USP25: variants seen among roughly 807,000 people sequenced by gnomAD.
USP25 encodes ubiquitin specific peptidase 25, also known as ubiquitin carboxyl-terminal hydrolase 25.
USP25 carries 85 observed loss-of-function variants against 158.5 expected under a neutral mutation model. That is an observed-to-expected ratio of 0.54 (90% CI 0.45 to 0.64). The LOEUF is 0.64. Among genes scored for constraint, USP25 ranks in the 30% least tolerant of loss-of-function variants. USP25 has a pLI of 0.00. For synonymous variants in USP25, 464 were observed against 460.4 expected (o/e 1.01, Z -0.10); for missense variants, 1,242 against 1,327.3 (o/e 0.94, Z 1.00).
intron 18 of USP25, among the ~76,000 whole-genome samples, chr21:15,847,450 A>C (rs1331302688): frequency 2.0e-5 from 3 of 152,186 alleles, no homozygotes; most frequent in Non-Finnish European, 4.4e-5. Flanking sequence ...AAGTGGTTTC[A>C]TTTGATACCA....
intron 18 of USP25, among the ~76,000 whole-genome samples, chr21:15,845,406 A>G (rs1197086434): frequency 1.3e-5 from 2 of 152,154 alleles, no homozygotes; most frequent in Non-Finnish European, 2.9e-5. Flanking sequence ...GAGCCCTTAA[A>G]TTCTTTACAT....
At chr21:15,824,922 T>G (rs371718711) in intron 11 of USP25, 44 bp from the exon 12 acceptor site, 82 of 1,512,242 alleles carry the variant, frequency 5.4e-5, no homozygotes, top group Admixed American at 1.0e-4. Flanking sequence ...TTGCATCTAC[T>G]TTCATGATAT....
chr21:15,798,371 C>G (rs188120631), intron 5 of USP25, among the ~76,000 whole-genome samples: 3 of 151,372 alleles, frequency 2.0e-5, no homozygotes, highest in East Asian at 1.9e-4. Context: ...TTTGAAAGCC[C>G]TTGTTTTCTC....
intron 24 of USP25, chr21:15,877,135 A>G (rs1054418182): frequency 6.6e-6 from 1 of 152,188 alleles, no homozygotes; most frequent in African/African-American, 2.4e-5. Flanking sequence ...GCAGAGTTGA[A>G]TAGTTGCAAC....
intron 1 of USP25, among the ~76,000 whole-genome samples, chr21:15,749,408 T>C (rs1048254546): frequency 1.3e-5 from 2 of 152,252 alleles, no homozygotes; most frequent in African/African-American, 2.4e-5. Flanking sequence ...TTGCAAGCTT[T>C]ACCTTTGAGA....
intron 4 of USP25, among the ~76,000 whole-genome samples, chr21:15,779,924 T>G (rs553788138): frequency 6.6e-6 from 1 of 152,058 alleles, no homozygotes; most frequent in African/African-American, 2.4e-5. Context: ...ATGCAAAATA[T>G]GCATTTAATA....
At chr21:15,872,096 C>G (rs191325504) in intron 23 of USP25, among the ~76,000 whole-genome samples, 2 of 138,798 alleles carry the variant, frequency 1.4e-5, no homozygotes, top group Admixed American at 7.6e-5. Context: ...AAAATATTGC[C>G]AAAAGATTCT....
chr21:15,857,239 T>C (rs1949076383), intron 20 of USP25, among the ~76,000 whole-genome samples: 1 of 152,204 alleles, frequency 6.6e-6, no homozygotes, highest in African/African-American at 2.4e-5. Flanking sequence ...AACACCTAAG[T>C]TGTTACCTAT....
intron 3 of USP25, among the ~76,000 whole-genome samples, chr21:15,768,203 A>C (rs2034152391): frequency 6.6e-6 from 1 of 152,074 alleles, no homozygotes; most frequent in Admixed American, 6.6e-5. Context: ...TTTATCCATA[A>C]AACACATAAT....
chr21:15,831,852 C>T (rs1038912224), intron 16 of USP25, among the ~76,000 whole-genome samples: 15 of 152,158 alleles, frequency 9.9e-5, no homozygotes, highest in Middle Eastern at 6.8e-3. Flanking sequence ...TGACCTTTTT[C>T]GTCCTTGCTA....
Position 15,831,418 on chromosome 21 carries a change from T to C in USP25, c.1782T>C (p.His594=). 1.2e-6 allele frequency: 2 copies of C among 1,614,080 alleles called. No homozygotes were observed. Among genetic ancestry groups the C allele is most frequent in the Non-Finnish European group, 1.7e-6 (2 of 1,179,950 alleles). Residue 594 remains histidine, a synonymous_variant, in exon 16 of 26, where the codon CAT becomes CAC. Transcript: ENST00000400183. ...KSMIQVPYRL[H]AVLVHEGQAN... ...ACATTTAGGTTCCTTATCGATTACA[T>C]GCCGTTTTAGTTCACGAAGGCCAAG...
In USP25 at chr21:15,861,130, AC is replaced by A. The variant is rs535078953; in HGVS notation, c.2548-3137del. On this transcript the variant is annotated intron_variant, in intron 20 of 25. Transcript: ENST00000400183. Reference sequence around the variant, plus strand: ...AACTGAACAAGGTCTCAAAAGCATGACTTAAACTAATTTTGCTGATGGGTCA... The same window carrying A: ...AACTGAACAAGGTCTCAAAAGCATGATTAAACTAATTTTGCTGATGGGTCA... 1.5e-3 allele frequency among the ~76,000 whole-genome samples: 226 copies of A among 152,250 alleles called. 1 individual carries two copies. Among genetic ancestry groups the A allele is most frequent in the Admixed American group, 1.5e-3 (23 of 15,294 alleles).
intron 1 of USP25, among the ~76,000 whole-genome samples, chr21:15,759,906 T>G (rs1049084893): frequency 3.9e-5 from 6 of 152,262 alleles, no homozygotes; most frequent in Non-Finnish European, 8.8e-5. Flanking sequence ...TCTGTAAATT[T>G]GGCAGTTTAT....
chr21:15,758,804 C>T lies in USP25; in HGVS notation c.46-4087C>T, dbSNP rs1247078088. 2.1e-5 allele frequency among the ~76,000 whole-genome samples: 3 copies of T among 144,622 alleles called. No homozygotes were observed. The East Asian group carries it at 6.1e-4, about 29-fold the overall frequency. The allele number at this position is 144,622 out of a possible 152,430, so 94.9% of individuals were successfully genotyped here. ...GCAGGGGAACTTTCCTTCACAAAAC[C>T]ATCAGATCTCATAACCCTTAACTCA... On this transcript the variant is annotated intron_variant, in intron 1 of 25. Coordinates refer to ENST00000400183, the MANE Select transcript of USP25 (RefSeq NM_001283041.3).
chr21:15,818,140 A>T lies in USP25; in HGVS notation c.932-558A>T, dbSNP rs535150335. Among the ~76,000 whole-genome samples, 5 of 152,228 alleles carry T rather than the reference A, an allele frequency of 3.3e-5. No individual in the cohort carries two copies. The South Asian group carries it at 1.0e-3, about 32-fold the overall frequency. Reference sequence around the variant, plus strand: ...ACTCTGGCATGGCTAACTCCCACTCATTATTCAAGTCTGAGCTTAAATGTC... The same window carrying T: ...ACTCTGGCATGGCTAACTCCCACTCTTTATTCAAGTCTGAGCTTAAATGTC... On this transcript the variant is annotated intron_variant, in intron 9 of 25. Transcript: ENST00000400183.
At chr21:15,740,336 T>C (rs778039431) in intron 1 of USP25, among the ~76,000 whole-genome samples, 3 of 152,194 alleles carry the variant, frequency 2.0e-5, no homozygotes, top group Non-Finnish European at 4.4e-5. Context: ...AGGGGTCCTT[T>C]AGGGATTGAA....
At chr21:15,757,398 T>C (rs1006380515) in intron 1 of USP25, among the ~76,000 whole-genome samples, 1 of 152,204 alleles carries the variant, frequency 6.6e-6, no homozygotes. Flanking sequence ...ACATGAACCA[T>C]ACTAGAGATA....
chr21:15,846,158 A>ATATAT (rs1325255884), intron 18 of USP25, among the ~76,000 whole-genome samples: 1 of 23,942 alleles, frequency 4.2e-5, no homozygotes, highest in Non-Finnish European at 7.1e-5. Context: ...ATATATATAT[A>ATATAT]TTTTTTTTTT....
In USP25 at chr21:15,730,504, G is replaced by T. The variant is rs1028407413; in HGVS notation, c.45+66G>T. Reference sequence around the variant, plus strand: ...CCGACGGGCTGTCCTCTCCCGCTGCGGCCGGGCGCCCCGGCCTCGCCGCCG... The same window carrying T: ...CCGACGGGCTGTCCTCTCCCGCTGCTGCCGGGCGCCCCGGCCTCGCCGCCG... On this transcript the variant is annotated intron_variant, in intron 1 of 25. Coordinates refer to ENST00000400183, the MANE Select transcript of USP25 (RefSeq NM_001283041.3). 2.3e-5 allele frequency: 30 copies of T among 1,289,946 alleles called. No homozygotes were observed. The African/African-American group carries it at 4.4e-4, about 19-fold the overall frequency. 79.9% of individuals were successfully genotyped at this position (1,289,946 alleles called of 1,614,324 possible).
Sources: allele counts gnomAD v4.1 joint callset (sites outside exome capture counted in the v4.1 genomes callset), GRCh38; gene constraint gnomAD v4.1.1; transcripts MANE v1.5; gene names NCBI Gene and HGNC (gene_info 2026-07-23, HGNC 2026-07-21).